The following STK39 variants were observed in gnomAD, a reference collection of about 807,000 sequenced individuals.
The protein encoded by STK39 is serine/threonine kinase 39, also known as STE20/SPS1-related proline-alanine-rich protein kinase.
A neutral mutation model predicts 77.8 loss-of-function variants in STK39; 20 were observed. That is an observed-to-expected ratio of 0.26 (90% CI 0.18 to 0.37). STK39 has a LOEUF of 0.37. STK39 is among the 10% of genes least tolerant of loss of function. The pLI, the probability that STK39 is intolerant of heterozygous loss-of-function variation, is 1.00. For synonymous variants in STK39, 246 were observed against 234.1 expected, an observed-to-expected ratio of 1.05 and a Z score of -0.47; for missense variants, 479 against 656.5, an observed-to-expected ratio of 0.73 and a Z score of 2.95.
chr2:168,011,765 A>G (rs987528723), intron 16 of STK39, among the ~76,000 whole-genome samples: 25 of 152,256 alleles, frequency 1.6e-4, no homozygotes, highest in African/African-American at 6.0e-4. Context: ...AAAGACCCAC[A>G]GTTTCAAAGT....
intron 14 of STK39, among the ~76,000 whole-genome samples, chr2:168,039,964 G>A (rs1164015606): frequency 6.6e-6 from 1 of 152,116 alleles, no homozygotes; most frequent in Non-Finnish European, 1.5e-5. Flanking sequence ...TGCCTCCCTT[G>A]GGAAGCCTCC....
At chr2:168,202,083 G>A (rs1260626256) in intron 1 of STK39, among the ~76,000 whole-genome samples, 1 of 152,148 alleles carries the variant, frequency 6.6e-6, no homozygotes, top group Admixed American at 6.5e-5. Context: ...GTTGCCATAA[G>A]GCCAGGATTT....
At chr2:168,242,689 C>T (rs1018179967) in intron 1 of STK39, among the ~76,000 whole-genome samples, 3 of 148,198 alleles carry the variant, frequency 2.0e-5, no homozygotes, top group South Asian at 2.1e-4. Flanking sequence ...TCAAGAGCAG[C>T]TTGGGCAACA....
chr2:168,155,564 C>T (rs3820864), intron 5 of STK39, among the ~76,000 whole-genome samples: 1 of 102,346 alleles, frequency 9.8e-6, no homozygotes, highest in Non-Finnish European at 1.8e-5. Flanking sequence ...CACTTGCACC[C>T]CCCCCACCCC....
chr2:167,996,914 C>T (rs777762970), intron 16 of STK39, among the ~76,000 whole-genome samples: 1 of 151,914 alleles, frequency 6.6e-6, no homozygotes, highest in South Asian at 2.1e-4. Flanking sequence ...TAGGTCTAGA[C>T]TTTGAGGCTG....
At chr2:168,020,326 G>A (rs1392850817) in intron 14 of STK39, among the ~76,000 whole-genome samples, 1 of 152,026 alleles carries the variant, frequency 6.6e-6, no homozygotes, top group Non-Finnish European at 1.5e-5. Flanking sequence ...TCACAGTTTT[G>A]TAAACCTCTG....
intron 16 of STK39, among the ~76,000 whole-genome samples, chr2:167,993,035 C>T (rs1268294525): frequency 2.6e-5 from 4 of 152,170 alleles, no homozygotes; most frequent in Non-Finnish European, 5.9e-5. Context: ...CTGCAAATAG[C>T]ACATCTCAAT....
intron 10 of STK39, among the ~76,000 whole-genome samples, chr2:168,087,435 A>G (rs1212334034): frequency 6.6e-6 from 1 of 152,258 alleles, no homozygotes; most frequent in Non-Finnish European, 1.5e-5. Flanking sequence ...GATTAAGTCC[A>G]TAATTGACTT....
In STK39 at chr2:168,229,384, C is replaced by CAA. The variant is rs34695553; in HGVS notation, c.208+17842_208+17843dup. Among the ~76,000 whole-genome samples the CAA allele has an allele frequency of 2.4e-3, 312 of 129,512 alleles. 2 individuals carry two copies. The highest frequency in any genetic ancestry group is 6.6e-3 in the African/African-American group (223 of 33,962). The allele number at this position is 129,512 out of a possible 152,430, so 85.0% of individuals were successfully genotyped here. On this transcript the variant is annotated intron_variant, in intron 1 of 17. Transcript: ENST00000355999. ...TGGGTGACAGAGCAAGACTCTGACT[C>CAA]AAAAAAAAAAAAAAATTAAAAGGTA...
At chr2:167,956,095 A>G (rs1438277258) in intron 17 of STK39, among the ~76,000 whole-genome samples, 2 of 152,252 alleles carry the variant, frequency 1.3e-5, no homozygotes, top group Non-Finnish European at 2.9e-5. Context: ...GAGAACTGCT[A>G]TATAAATACC....
intron 10 of STK39, among the ~76,000 whole-genome samples, chr2:168,121,633 C>A (rs149025978): frequency 1.2e-3 from 186 of 152,322 alleles, no homozygotes; most frequent in African/African-American, 4.1e-3. Flanking sequence ...GCAGAAACAA[C>A]CTTCAATACC....
chr2:168,192,131 C>A (rs1328957130), intron 1 of STK39, among the ~76,000 whole-genome samples: 2 of 152,190 alleles, frequency 1.3e-5, no homozygotes, highest in Non-Finnish European at 1.5e-5. Flanking sequence ...GCTAAGCTGA[C>A]AAGAACAGTA....
intron 1 of STK39, among the ~76,000 whole-genome samples, chr2:168,185,601 C>A (rs999725534): frequency 6.6e-6 from 1 of 152,122 alleles, no homozygotes; most frequent in African/African-American, 2.4e-5. Context: ...AGAAATATTT[C>A]ATGGAAATAT....
At chr2:168,016,290 G>A (rs1026222123) in intron 15 of STK39, among the ~76,000 whole-genome samples, 3 of 142,354 alleles carry the variant, frequency 2.1e-5, no homozygotes, top group African/African-American at 7.7e-5. Context: ...CAGGAATCCT[G>A]AAATCTTTGC....
chr2:168,004,050 T>C (rs767081095), intron 16 of STK39, among the ~76,000 whole-genome samples: 1 of 152,214 alleles, frequency 6.6e-6, no homozygotes, highest in Non-Finnish European at 1.5e-5. Context: ...ACTTCGCACA[T>C]CTAACCATAT....
intron 10 of STK39, among the ~76,000 whole-genome samples, chr2:168,118,840 T>C (rs571900147): frequency 3.9e-5 from 6 of 152,226 alleles, no homozygotes; most frequent in Admixed American, 1.3e-4. Context: ...ACTGTTCTAA[T>C]AGCACCCCCT....
chr2:168,226,938 C>A (rs1690323631), intron 1 of STK39, among the ~76,000 whole-genome samples: 1 of 152,154 alleles, frequency 6.6e-6, no homozygotes, highest in Admixed American at 6.5e-5. Flanking sequence ...CAGCTGCACT[C>A]ATAGAATAGC....
intron 1 of STK39, among the ~76,000 whole-genome samples, chr2:168,217,853 C>T (rs868570717): frequency 6.6e-6 from 1 of 152,164 alleles, no homozygotes; most frequent in Non-Finnish European, 1.5e-5. Context: ...ACATGGAGGA[C>T]TGACTGTAGA....
chr2:168,036,156 T>C (rs1684947178), intron 14 of STK39, among the ~76,000 whole-genome samples: 2 of 152,204 alleles, frequency 1.3e-5, no homozygotes, highest in Admixed American at 1.3e-4. Context: ...TATATTTTTC[T>C]CTGGGATTAG....
Sources: allele counts gnomAD v4.1 joint callset (sites outside exome capture counted in the v4.1 genomes callset), GRCh38; gene constraint gnomAD v4.1.1; transcripts MANE v1.5; gene names NCBI Gene and HGNC (gene_info 2026-07-23, HGNC 2026-07-21).